Variants in NUP153 observed in about 807,000 individuals in gnomAD.
NUP153 encodes nucleoporin 153, also known as nuclear pore complex protein Nup153.
A neutral mutation model predicts 134.6 loss-of-function variants in NUP153; 27 were observed. That is an observed-to-expected ratio of 0.20 (90% CI 0.15 to 0.28). The LOEUF (loss-of-function observed/expected upper bound fraction) is 0.28. NUP153 is among the 10% of genes least tolerant of loss of function. NUP153 has a pLI of 1.00. For missense variants in NUP153, 1,821 were observed against 1,731.3 expected, an observed-to-expected ratio of 1.05 and a Z score of -0.92; for synonymous variants, 640 against 623.5, an observed-to-expected ratio of 1.03 and a Z score of -0.40.
In NUP153 at chr6:17,637,461, A is replaced by T. The variant is rs745853844; in HGVS notation, c.2156T>A (p.Phe719Tyr). 1 of 1,614,202 alleles carries T rather than the reference A, an allele frequency of 6.2e-7. No homozygotes were observed. Among genetic ancestry groups the T allele is most frequent in the Non-Finnish European group, 8.5e-7 (1 of 1,180,034 alleles). The change falls in exon 16 of 22, where the codon TTT becomes TAT. Residue 719 changes from phenylalanine to tyrosine, a missense_variant. Transcript: ENST00000262077. ...SASGTGFGDK[F>Y]KPVIGTWDCD... ...ATCCCAAGTGCCTATCACTGGTTTA[A>T]ATTTGTCTCCAAAGCCTGTCCCTGA...
chr6:17,643,376 G>A (rs555518204), intron 14 of NUP153, among the ~76,000 whole-genome samples: 5 of 152,254 alleles, frequency 3.3e-5, no homozygotes, highest in African/African-American at 1.2e-4. Context: ...GGAGGCTGAG[G>A]CACAAGAATC....
At position 17,669,292 on chromosome 6, in the gene NUP153, C is replaced by G; in HGVS notation, c.1014+1G>C. ...GTAAAAAGGTTTAAATCTCAACTTA[C>G]AGAATTCAGAGGAGAAGAAACAATG... On this transcript the variant is annotated splice_donor_variant, in intron 7 of 21. Transcript: ENST00000262077. LOFTEE classifies it high-confidence loss of function. 6.2e-7 allele frequency: 1 copy of G among 1,609,270 alleles called. No homozygotes were observed. The highest frequency in any genetic ancestry group is 8.5e-7 in the Non-Finnish European group (1 of 1,176,102).
At chr6:17,686,162 AAAG>A (rs1267838005) in intron 2 of NUP153, among the ~76,000 whole-genome samples, 7 of 151,780 alleles carry the variant, frequency 4.6e-5, no homozygotes, top group Non-Finnish European at 7.4e-5. Context: ...AAAAAGAAAG[AAAG>A]AAAGAAAGAA....
rs1764872306 is a variant in NUP153 at position 17,625,311 on chromosome 6, C to A, written c.3902-478G>T. ...CAGCACTTTGAAAGGCCGAGGCGGG[C>A]AAATCATGAGGTCAGGAATTCGAGC... On this transcript the variant is annotated intron_variant, in intron 19 of 21. Coordinates refer to ENST00000262077, the MANE Select transcript of NUP153 (RefSeq NM_005124.4). This position sits in a 1 kb window ranked among gnomAD's most constrained non-coding sequence, Gnocchi z 4.7. 6.6e-6 allele frequency among the ~76,000 whole-genome samples: 1 copy of A among 152,098 alleles called. No individual in the cohort carries two copies. The highest frequency in any genetic ancestry group is 6.6e-5 in the Admixed American group (1 of 15,264).
At chr6:17,643,850 T>C (rs1203851024) in intron 14 of NUP153, among the ~76,000 whole-genome samples, 1 of 152,252 alleles carries the variant, frequency 6.6e-6, no homozygotes, top group Admixed American at 6.5e-5. Context: ...TGTTAATTAT[T>C]CAGTTATCAT....
At chr6:17,668,337 C>T (rs1181495866) in intron 8 of NUP153, among the ~76,000 whole-genome samples, 1 of 151,822 alleles carries the variant, frequency 6.6e-6, no homozygotes, top group Non-Finnish European at 1.5e-5. Flanking sequence ...GCCTGGGCCT[C>T]CCAAAGTGCT....
intron 11 of NUP153, among the ~76,000 whole-genome samples, chr6:17,649,944 C>T (rs1234500540): frequency 1.3e-5 from 2 of 152,094 alleles, no homozygotes; most frequent in Admixed American, 1.3e-4. Flanking sequence ...ATGGTCTTGG[C>T]ATGTGAAACA....
chr6:17,618,627 A>G (rs1221428198), intron 20 of NUP153, among the ~76,000 whole-genome samples: 1 of 147,782 alleles, frequency 6.8e-6, no homozygotes, highest in East Asian at 2.0e-4. Flanking sequence ...GTGCAGTGGC[A>G]CGGTCTCAGC....
Position 17,680,011 on chromosome 6 carries a change from G to C in NUP153, c.335-4241C>G, listed in dbSNP as rs1005683779. Reference sequence around the variant, plus strand: ...GCGTACCCTACCCTGCAGGTGCTTTGCCCAGCCCAGCCTGCATACCTTACC... The same window carrying C: ...GCGTACCCTACCCTGCAGGTGCTTTCCCCAGCCCAGCCTGCATACCTTACC... On this transcript the variant is annotated intron_variant, in intron 2 of 21. Coordinates refer to ENST00000262077, the MANE Select transcript of NUP153 (RefSeq NM_005124.4). This position sits in a 1 kb window ranked among gnomAD's most constrained non-coding sequence, Gnocchi z 4.5. Among the ~76,000 whole-genome samples, 2 of 152,084 alleles carry C rather than the reference G, an allele frequency of 1.3e-5. No homozygotes were observed. The highest frequency in any genetic ancestry group is 2.9e-5 in the Non-Finnish European group (2 of 68,024).
chr6:17,679,960 A>G (rs762713832), intron 2 of NUP153, among the ~76,000 whole-genome samples: 11 of 152,186 alleles, frequency 7.2e-5, no homozygotes, highest in Non-Finnish European at 1.5e-4. Flanking sequence ...ACTCAAGGTA[A>G]TCATCGCAAC....
rs10456803 is a variant in NUP153, at chr6:17,682,878, A to G, written c.334+5518T>C. ...AGTTGCAGTGGGCTGAGATTGTGCC[A>G]CTGCACTCCAGAGTGGGTGACAGAG... On this transcript the variant is annotated intron_variant, in intron 2 of 21. Transcript: ENST00000262077. Among the ~76,000 whole-genome samples the G allele has an allele frequency of 9.1e-3, 1,327 of 146,360 alleles. 10 individuals are homozygous for G. The highest frequency in any genetic ancestry group is 0.015 in the Middle Eastern group (4 of 266).
At position 17,706,288 on chromosome 6, in the gene NUP153, G is replaced by T. The variant is rs752352280; in HGVS notation, c.100C>A (p.Gln34Lys). 5.0e-6 allele frequency: 8 copies of T among 1,613,082 alleles called. No individual in the cohort carries two copies. In the South Asian group the frequency reaches 8.8e-5, roughly 18 times the overall value. The part of the protein sequence containing the change: ...GPIKPYQQGR[Q>K]QHQGILSRVT... The stretch of plus-strand genomic sequence containing the variant: ...TCGGGGTCCCATACCTGATGCTGTT[G>T]TCGCCCCTGCTGGTAAGGCTTAATT... The change falls in exon 1 of 22, where the codon CAA becomes AAA. Residue 34 changes from glutamine to lysine, a missense_variant. Gln to Lys is a moderately conservative substitution (Grantham distance 53). Coordinates refer to ENST00000262077, the MANE Select transcript of NUP153 (RefSeq NM_005124.4). The surrounding 1 kb of genome is among the most constrained non-coding windows in gnomAD (Gnocchi z 5.9).
chr6:17,701,622 T>C lies in NUP153; in HGVS notation c.111+4655A>G, dbSNP rs180948699. ...GTTGCAGTGAGCCGAGGTCGCACCA[T>C]TGCACTCCAGCCTGGGTGACAGAAC... On this transcript the variant is annotated intron_variant, in intron 1 of 21. Transcript: ENST00000262077. 5.2e-3 allele frequency among the ~76,000 whole-genome samples: 768 copies of C among 148,970 alleles called. 7 individuals carry two copies. The highest frequency in any genetic ancestry group is 0.017 in the African/African-American group (680 of 40,360).
chr6:17,668,971 T>A lies in NUP153; in HGVS notation c.1068+4A>T. On this transcript the variant is annotated splice_donor_region_variant and intron_variant, in intron 8 of 21. Transcript: ENST00000262077. ...TAAATAACTAAATGCTAAAGAAGTT[T>A]TACCTTTTCTCTTTTGGCCTGAAAA... 6.4e-7 allele frequency: 1 copy of A among 1,557,680 alleles called. No homozygotes were observed. The highest frequency in any genetic ancestry group is 1.4e-5 in the African/African-American group (1 of 71,434).
chr6:17,635,678 C>G (rs571028026), intron 16 of NUP153, among the ~76,000 whole-genome samples: 1 of 152,182 alleles, frequency 6.6e-6, no homozygotes, highest in African/African-American at 2.4e-5. Context: ...GGATTACAGG[C>G]GTGAGCCACA....
chr6:17,661,090 G>A (rs1366448559), intron 11 of NUP153, among the ~76,000 whole-genome samples: 11 of 152,134 alleles, frequency 7.2e-5, no homozygotes, highest in African/African-American at 2.7e-4. Flanking sequence ...CGAGGCAGGT[G>A]GATCACTTGA....
chr6:17,690,304 T>C (rs1027583574), intron 1 of NUP153, among the ~76,000 whole-genome samples: 2 of 103,020 alleles, frequency 1.9e-5, no homozygotes, highest in African/African-American at 2.7e-5. Flanking sequence ...GTGAGCCGAA[T>C]GTGCAGTAAA....
rs1163103473 is a variant in NUP153 at position 17,685,498 on chromosome 6, G to A, written c.334+2898C>T. On this transcript the variant is annotated intron_variant, in intron 2 of 21. Coordinates refer to ENST00000262077, the MANE Select transcript of NUP153 (RefSeq NM_005124.4). ...CAGGAGGCGGAGCTTGCAATGAGCC[G>A]AGATCGAGCCACTGCACTCCAGCCT... Among the ~76,000 whole-genome samples, 4 of 149,730 alleles carry A rather than the reference G, an allele frequency of 2.7e-5. 1 individual carries two copies. Among genetic ancestry groups the A allele is most frequent in the African/African-American group, 7.4e-5 (3 of 40,616 alleles).
rs757010696 is a variant in NUP153, at chr6:17,629,380, G to A, written c.2819C>T (p.Ser940Phe). ...TTCACTCATGGGGTTTATAGACCCA[G>A]AATCGGATGACACACCTATTTTGAA... ...GGFKIGVSSD[S>F]GSINPMSEGF... is the part of the protein sequence containing the mutation. The change falls in exon 18 of 22, where the codon TCT becomes TTT. Residue 940 changes from serine (S) to phenylalanine (F), a missense_variant. Coordinates refer to ENST00000262077, the MANE Select transcript of NUP153 (RefSeq NM_005124.4). The A allele has an allele frequency of 1.9e-6, 3 of 1,613,890 alleles. No individual in the cohort carries two copies. The South Asian group carries it at 3.3e-5, about 18-fold the overall frequency.
Sources: gnomAD v4.1 joint callset for allele counts (sites outside exome capture counted in the v4.1 genomes callset) on GRCh38, gnomAD v4.1.1 for gene constraint, Gnocchi (gnomAD v3.1) non-coding constraint, MANE v1.5 for transcripts, NCBI Gene and HGNC (gene_info 2026-07-23, HGNC 2026-07-21) for gene names.